CDK11B: variants seen among roughly 807,000 people sequenced by gnomAD.
The protein encoded by CDK11B is cyclin dependent kinase 11B.
CDK11B carries 37 observed loss-of-function variants against 84.0 expected under a neutral mutation model. That is an observed-to-expected ratio of 0.44 (90% CI 0.34 to 0.58). The LOEUF (loss-of-function observed/expected upper bound fraction) is 0.58, where lower values mean the gene tolerates loss of function less well. Ranked by LOEUF, CDK11B falls within the 20% of genes least tolerant of loss-of-function variation. The probability of loss-of-function intolerance (pLI) is 0.02; values close to 1 mark genes in which losing one functional copy is unlikely to be tolerated. For missense variants in CDK11B, 427 were observed against 834.0 expected (o/e 0.51, Z 6.01); for synonymous variants, 269 against 309.8 (o/e 0.87, Z 1.38).
chr1:1,646,528 C>A, intron 5 of CDK11B: 1 of 519,142 alleles, frequency 1.9e-6, no homozygotes, highest in South Asian at 1.4e-5. Flanking sequence ...TTTATACAAT[C>A]GTAGTTCCAG....
At chr1:1,653,722 G>A (rs1249613813) in intron 3 of CDK11B, among the ~76,000 whole-genome samples, 1 of 151,780 alleles carries the variant, frequency 6.6e-6, no homozygotes, top group Non-Finnish European at 1.5e-5. Flanking sequence ...AGTGGCTCAC[G>A]CCAGTAATCC....
chr1:1,655,206 T>G (rs550969945), intron 3 of CDK11B, among the ~76,000 whole-genome samples, 163 bp downstream of exon 3: 1 of 152,294 alleles, frequency 6.6e-6, no homozygotes, highest in East Asian at 1.9e-4. Context: ...CAGTCACAAC[T>G]GTGACATAAA....
intron 11 of CDK11B, among the ~76,000 whole-genome samples, chr1:1,639,180 C>T (rs1369963802): frequency 4.0e-5 from 6 of 151,684 alleles, no homozygotes; most frequent in East Asian, 1.9e-4. Context: ...ACCTCTGATC[C>T]GCCCACCGCC....
chr1:1,653,488 T>C (rs1348221580), intron 3 of CDK11B, among the ~76,000 whole-genome samples: 1 of 151,872 alleles, frequency 6.6e-6, no homozygotes, highest in East Asian at 1.9e-4. Flanking sequence ...GCCAGGCTAA[T>C]TTTTGTATTT....
chr1:1,655,191 A>C (rs528139530), intron 3 of CDK11B, among the ~76,000 whole-genome samples, 178 bp downstream of exon 3: 1 of 150,836 alleles, frequency 6.6e-6, no homozygotes, highest in Non-Finnish European at 1.5e-5. Flanking sequence ...ACAACACTTG[A>C]GAGTCAGTCA....
At chr1:1,657,532 G>A (rs1189928535) in intron 1 of CDK11B, 34 bp from the exon 2 acceptor site, 4 of 1,383,420 alleles carry the variant, frequency 2.9e-6, no homozygotes, top group East Asian at 5.0e-5. Flanking sequence ...CCTACATCAG[G>A]ACACAGCAAG....
Position 1,652,505 on chromosome 1 carries a change from CT to C in CDK11B, c.288del (p.Ala97LeufsTer28). On this transcript the variant is annotated frameshift_variant, in exon 4 of 20. Transcript: ENST00000341832. LOFTEE classifies it high-confidence loss of function. The stretch of plus-strand genomic sequence containing the variant: ...CTCTTTTCATCTTTTCTGTGATGAG[CT>C]TTTTCTTTCCGAGACATTTGCTGGG... ...KPPQQMSRKEKAHHRKDEKRK... is the reference protein window; with the variant it reads ...KPPQQMSRKEXAHHRKDEKRK... The C allele has an allele frequency of 1.3e-6, 2 of 1,510,368 alleles. No homozygotes were observed. The highest frequency in any genetic ancestry group is 8.8e-7 in the Non-Finnish European group (1 of 1,138,882). 93.6% of individuals were successfully genotyped at this position (1,510,368 alleles called of 1,614,324 possible). A position where few individuals can be genotyped will look rare whatever the true frequency, so the allele number is the denominator to read the frequency against.
chr1:1,639,608 G>A (rs567135929), intron 11 of CDK11B, among the ~76,000 whole-genome samples: 9 of 151,958 alleles, frequency 5.9e-5, no homozygotes, highest in East Asian at 3.9e-4. Context: ...CCTGTGGCCC[G>A]ACGCCTACGC....
chr1:1,653,193 T>G (rs1199661309), intron 3 of CDK11B, among the ~76,000 whole-genome samples: 1 of 151,788 alleles, frequency 6.6e-6, no homozygotes, highest in Non-Finnish European at 1.5e-5. Context: ...CCCGGCTAAT[T>G]TTTTTATTTT....
chr1:1,655,229 T>TA (rs1642584948), intron 3 of CDK11B, 140 bp downstream of exon 3: 3 of 1,087,406 alleles, frequency 2.8e-6, no homozygotes, highest in South Asian at 2.2e-5. Context: ...CCTCAATAGT[T>TA]ACGCTATGTC....
At chr1:1,637,648 T>C (rs2100682599) in intron 13 of CDK11B, 114 bp downstream of exon 13, 1 of 1,608,750 alleles carries the variant, frequency 6.2e-7, no homozygotes, top group Non-Finnish European at 8.5e-7. Context: ...GTGTGGTCTG[T>C]GAAGGGCTCC....
intron 3 of CDK11B, 65 bp from the exon 4 acceptor site, chr1:1,652,631 T>A: frequency 8.0e-7 from 1 of 1,256,896 alleles, no homozygotes; most frequent in Middle Eastern, 2.0e-4. Context: ...CAGGCTATTA[T>A]AAGGTTTCTT....
chr1:1,650,429 A>C (rs1479081093), intron 4 of CDK11B, among the ~76,000 whole-genome samples: 1 of 141,442 alleles, frequency 7.1e-6, no homozygotes, highest in Admixed American at 7.1e-5. Flanking sequence ...GCAGTGGCGC[A>C]ATCTCGGCTC....
At chr1:1,652,330 A>C (rs1642126587) in intron 4 of CDK11B, 109 bp downstream of exon 4, 2 of 922,436 alleles carry the variant, frequency 2.2e-6, no homozygotes, top group Non-Finnish European at 3.1e-6. Flanking sequence ...TTTCAGCTAG[A>C]GTTTGCTTTC....
intron 11 of CDK11B, among the ~76,000 whole-genome samples, chr1:1,639,906 G>T (rs1234122092): frequency 2.0e-5 from 3 of 151,676 alleles, no homozygotes; most frequent in Admixed American, 6.6e-5. Context: ...CACAGATGCC[G>T]GTAACAAGGC....
At chr1:1,650,664 C>CTTTT (rs1185570412) in intron 4 of CDK11B, among the ~76,000 whole-genome samples, 3 of 114,982 alleles carry the variant, frequency 2.6e-5, no homozygotes, top group African/African-American at 6.0e-5. Flanking sequence ...CGCGCCCGGC[C>CTTTT]TTTTTTTTTT....
In CDK11B at chr1:1,636,343, G is replaced by A. The variant is rs754220811; in HGVS notation, c.2056C>T (p.Leu686Phe). The change falls in exon 18 of 20, where the codon CTC becomes TTC. Residue 686 changes from leucine to phenylalanine, a missense_variant. By Grantham distance (22) the Leu-to-Phe change is conservative. Transcript: ENST00000341832. ...GALLSDQGFDLMNKFLTYFPG... is the reference protein window; with the variant it reads ...GALLSDQGFDFMNKFLTYFPG... ...CTGCACTGGGCTCACTTGTTCATGA[G>A]GTCGAAGCCCTGGTCTGAGAGCAGA... 6.4e-7 allele frequency: 1 copy of A among 1,573,244 alleles called. No individual in the cohort carries two copies. Among genetic ancestry groups the A allele is most frequent in the South Asian group, 1.2e-5 (1 of 86,156 alleles).
chr1:1,641,147 C>T, intron 9 of CDK11B, 34 bp from the exon 10 acceptor site: 14 of 1,489,776 alleles, frequency 9.4e-6, no homozygotes, highest in Non-Finnish European at 1.2e-5. Flanking sequence ...CTCAGACCAG[C>T]ACCGGGGCGA....
At chr1:1,658,168 A>C (rs1287049418) in intron 1 of CDK11B, among the ~76,000 whole-genome samples, 3 of 149,436 alleles carry the variant, frequency 2.0e-5, no homozygotes, top group Non-Finnish European at 4.4e-5. Flanking sequence ...TCAAAAAAAA[A>C]AGAAAAAAAA....
Sources: allele counts gnomAD v4.1 joint callset (sites outside exome capture counted in the v4.1 genomes callset), GRCh38; gene constraint gnomAD v4.1.1; transcripts MANE v1.5; gene names NCBI Gene and HGNC (gene_info 2026-07-23, HGNC 2026-07-21).